Variants in OSBPL11 observed in about 807,000 individuals in gnomAD.
The protein encoded by OSBPL11 is oxysterol binding protein like 11.
OSBPL11 carries 33 observed loss-of-function variants against 84.4 expected under a neutral mutation model. The ratio of observed to expected loss-of-function variants is 0.39; its 90% CI spans 0.30 to 0.52. The LOEUF (loss-of-function observed/expected upper bound fraction) is 0.52, where lower values mean the gene tolerates loss of function less well. Among genes scored for constraint, OSBPL11 ranks in the 20% least tolerant of loss-of-function variants. The pLI is 0.72. For synonymous variants in OSBPL11, 276 were observed against 310.2 expected, an observed-to-expected ratio of 0.89 and a Z score of 1.16; for missense variants, 736 against 901.1, an observed-to-expected ratio of 0.82 and a Z score of 2.35.
At chr3:125,589,086 C>T (rs1156985436) in intron 1 of OSBPL11, among the ~76,000 whole-genome samples, 7 of 152,092 alleles carry the variant, frequency 4.6e-5, no homozygotes, top group Non-Finnish European at 7.4e-5. Flanking sequence ...CGGTGGCTCA[C>T]GCCTGTAATC....
intron 1 of OSBPL11, among the ~76,000 whole-genome samples, chr3:125,591,182 C>T (rs1382252528): frequency 6.6e-6 from 1 of 152,160 alleles, no homozygotes; most frequent in Non-Finnish European, 1.5e-5. Flanking sequence ...TACCTAAAAC[C>T]AGATACATAA....
intron 8 of OSBPL11, among the ~76,000 whole-genome samples, chr3:125,558,915 T>G (rs1277327520): frequency 6.6e-6 from 1 of 152,194 alleles, no homozygotes; most frequent in African/African-American, 2.4e-5. Flanking sequence ...CTAACAAGTT[T>G]CCAGGTGATG....
intron 9 of OSBPL11, among the ~76,000 whole-genome samples, chr3:125,551,883 C>T (rs1006596474): frequency 2.6e-5 from 4 of 152,058 alleles, no homozygotes; most frequent in African/African-American, 9.7e-5. Context: ...CCCATCCCCA[C>T]AAGAAGCATT....
intron 6 of OSBPL11, among the ~76,000 whole-genome samples, chr3:125,566,130 T>C (rs1175570678): frequency 1.3e-5 from 2 of 152,012 alleles, no homozygotes; most frequent in Non-Finnish European, 2.9e-5. Flanking sequence ...CTCAGCTTCC[T>C]GAGTAGCTGG....
chr3:125,541,285 A>T (rs910148404), intron 10 of OSBPL11, among the ~76,000 whole-genome samples: 2 of 152,230 alleles, frequency 1.3e-5, no homozygotes, highest in Non-Finnish European at 2.9e-5. Flanking sequence ...AGCCCCAGAT[A>T]GCACTTAGCA....
intron 2 of OSBPL11, among the ~76,000 whole-genome samples, chr3:125,582,075 C>T (rs992902346): frequency 1.3e-5 from 2 of 152,096 alleles, no homozygotes; most frequent in African/African-American, 4.8e-5. Context: ...TGGCTCACGC[C>T]TGTGATCCCT....
chr3:125,569,442 A>C (rs1936211218), intron 5 of OSBPL11, among the ~76,000 whole-genome samples: 1 of 152,230 alleles, frequency 6.6e-6, no homozygotes, highest in Non-Finnish European at 1.5e-5. Context: ...GGTATCTATT[A>C]ATATATACAC....
chr3:125,531,747 C>A, intron 12 of OSBPL11, 114 bp downstream of exon 12: 1 of 1,048,550 alleles, frequency 9.5e-7, no homozygotes, highest in South Asian at 1.8e-5. Context: ...TATATACAGC[C>A]ATACTACTTT....
At chr3:125,560,275 A>G (rs1283812264) in intron 8 of OSBPL11, 104 bp downstream of exon 8, 4 of 1,117,854 alleles carry the variant, frequency 3.6e-6, no homozygotes, top group Middle Eastern at 3.4e-4. Context: ...AAAAATTAAA[A>G]TTAAAATTTA....
intron 6 of OSBPL11, among the ~76,000 whole-genome samples, chr3:125,565,058 A>AC (rs1936134398): frequency 6.6e-6 from 1 of 152,176 alleles, no homozygotes; most frequent in African/African-American, 2.4e-5. Context: ...AGCCTGGGCA[A>AC]CACAGACAGA....
Position 125,579,943 on chromosome 3 carries a change from C to T in OSBPL11, c.331G>A (p.Ala111Thr). 6.2e-7 allele frequency: 1 copy of T among 1,614,196 alleles called. No individual in the cohort carries two copies. Among genetic ancestry groups the T allele is most frequent in the Non-Finnish European group, 8.5e-7 (1 of 1,180,012 alleles). ...TCCTCATCACTGGGTGATATTACAG[C>T]TCCTGCAAGCTGCAAAGTTCCTCTA... ...KPRGTLQLAG[A>T]VISPSDEDSH... is the part of the protein sequence containing the mutation. Residue 111 changes from alanine to threonine, a missense_variant, in exon 3 of 13, where the codon GCT (alanine) becomes ACT (threonine). By Grantham distance (58) the Ala-to-Thr change is moderately conservative. Transcript: ENST00000296220.
At chr3:125,581,997 A>AT (rs1936434618) in intron 2 of OSBPL11, among the ~76,000 whole-genome samples, 2 of 151,964 alleles carry the variant, frequency 1.3e-5, no homozygotes, top group Non-Finnish European at 2.9e-5. Context: ...TAATTAATTA[A>AT]TATAAAATAA....
intron 10 of OSBPL11, 61 bp downstream of exon 10, chr3:125,547,345 A>AGTTGTAAT: frequency 2.2e-6 from 3 of 1,368,742 alleles, no homozygotes; most frequent in Non-Finnish European, 3.1e-6. Flanking sequence ...AAGAATAAGG[A>AGTTGTAAT]GTTGTAATAC....
chr3:125,531,906 A>C lies in OSBPL11; in HGVS notation c.2133T>G (p.Arg711=), dbSNP rs141610365. The change falls in exon 12 of 13, where the codon CGT becomes CGG. Residue 711 remains arginine (R), a synonymous_variant. Transcript: ENST00000296220. ...TTTTCCAAGGTGTGCCTGTTTCAGT[A>C]CGATGCCTTTCTTCAGTCCTCTGAC... ...EERQRTEERH[R]TETGTPWKTK... 21,228 of 1,614,004 alleles carry C rather than the reference A, an allele frequency of 0.013. 165 individuals carry two copies. The highest frequency in any genetic ancestry group is 0.016 in the Non-Finnish European group (19,233 of 1,179,972).
intron 10 of OSBPL11, among the ~76,000 whole-genome samples, chr3:125,540,972 C>G (rs1409740461): frequency 6.6e-6 from 1 of 152,222 alleles, no homozygotes. Context: ...CATCACACTT[C>G]TTCCATAAAG....
intron 2 of OSBPL11, among the ~76,000 whole-genome samples, chr3:125,582,057 A>C (rs1460401418): frequency 6.6e-6 from 1 of 152,186 alleles, no homozygotes; most frequent in Non-Finnish European, 1.5e-5. Flanking sequence ...TTGGGTGGCC[A>C]GGTGTGGTGG....
At chr3:125,551,535 G>A (rs932027373) in intron 9 of OSBPL11, among the ~76,000 whole-genome samples, 58 of 152,184 alleles carry the variant, frequency 3.8e-4, no homozygotes, top group African/African-American at 1.3e-3. Context: ...TTGGGAGGCC[G>A]AGGTGGGTGG....
rs1935523408 is a variant in OSBPL11 at position 125,529,385 on chromosome 3, CTTCCTGATCTTTTT to C, written c.*1116_*1129del. ...AAAAAAGATTTGTACCTGAATACAA[CTTCCTGATCTTTTT>C]TTCCTGATACCTTTTCATTTCGTTG... is the stretch of plus-strand genomic sequence containing the variant. On this transcript the variant is annotated 3_prime_UTR_variant, in exon 13 of 13. Coordinates refer to ENST00000296220, the MANE Select transcript of OSBPL11 (RefSeq NM_022776.5). 6.6e-6 allele frequency: 1 copy of C among 151,828 alleles called. No individual in the cohort carries two copies. Among genetic ancestry groups the C allele is most frequent in the Admixed American group, 6.6e-5 (1 of 15,220 alleles). The allele number at this position is 151,828 out of a possible 1,614,324, so 9.4% of individuals were successfully genotyped here.
intron 10 of OSBPL11, among the ~76,000 whole-genome samples, chr3:125,543,692 G>C (rs1255764498): frequency 2.0e-5 from 3 of 152,030 alleles, no homozygotes; most frequent in African/African-American, 7.2e-5. Flanking sequence ...CTTGAGGTCA[G>C]GAGTTCAAGA....
Sources: allele counts gnomAD v4.1 joint callset (sites outside exome capture counted in the v4.1 genomes callset), GRCh38; gene constraint gnomAD v4.1.1; transcripts MANE v1.5; gene names NCBI Gene and HGNC (gene_info 2026-07-23, HGNC 2026-07-21).